Variants in CTNNA2 observed in about 807,000 individuals in gnomAD.
The protein encoded by CTNNA2 is catenin alpha-2.
A neutral mutation model predicts 101.0 loss-of-function variants in CTNNA2; 42 were observed. That is an observed-to-expected ratio of 0.42 (90% CI 0.32 to 0.54). The LOEUF (loss-of-function observed/expected upper bound fraction) is 0.54, where lower values mean the gene tolerates loss of function less well. CTNNA2 is among the 20% of genes least tolerant of loss of function. The pLI is 0.14. For synonymous variants in CTNNA2, 450 were observed against 456.4 expected (o/e 0.99, Z 0.18); for missense variants, 871 against 1,223.1 (o/e 0.71, Z 4.29).
Position 79,384,376 on chromosome 2 carries a change from T to TTCTCTC in CTNNA2, c.-135+10416_-135+10421dup, listed in dbSNP as rs11267995. Among the ~76,000 whole-genome samples the TTCTCTC allele has an allele frequency of 6.6e-4, 69 of 104,582 alleles. 2 individuals are homozygous for TTCTCTC. The highest frequency in any genetic ancestry group is 2.3e-3 in the African/African-American group (56 of 24,844). The allele number at this position is 104,582 out of a possible 152,430, so 68.6% of individuals were successfully genotyped here. Reference sequence around the variant, plus strand: ...CCCTGGTAATTTGAATGCATATTTCTTCTCTCTCTCTCTCTCTCTCTCTCT... The same window carrying TTCTCTC: ...CCCTGGTAATTTGAATGCATATTTCTTCTCTCTCTCTCTCTCTCTCTCTCTCTCTCT... On this transcript the variant is annotated intron_variant, in intron 4 of 21. Coordinates refer to the CTNNA2 transcript ENST00000466387.
intron 2 of CTNNA2, among the ~76,000 whole-genome samples, chr2:79,305,125 C>T (rs1676203715): frequency 6.6e-6 from 1 of 151,650 alleles, no homozygotes; most frequent in African/African-American, 2.4e-5. Context: ...GGTTACTAGT[C>T]ATAGGGATTG....
intron 3 of CTNNA2, among the ~76,000 whole-genome samples, chr2:79,314,268 G>A (rs764915446): frequency 1.1e-4 from 17 of 152,108 alleles, no homozygotes; most frequent in Non-Finnish European, 2.2e-4. Flanking sequence ...CAGAAATCCC[G>A]TAGAAAATGC....
chr2:79,968,219 A>G (rs982640361), intron 7 of CTNNA2, among the ~76,000 whole-genome samples: 4 of 152,200 alleles, frequency 2.6e-5, no homozygotes, highest in African/African-American at 9.7e-5. Context: ...TCAATAAAAA[A>G]AAAACAGAGC....
At chr2:79,211,040 A>C (rs1482331026) in intron 2 of CTNNA2, among the ~76,000 whole-genome samples, 1 of 152,148 alleles carries the variant, frequency 6.6e-6, no homozygotes, top group Admixed American at 6.5e-5. Flanking sequence ...CAAATATAAA[A>C]TGAAAACTGG....
At chr2:79,943,711 T>C (rs1312800411) in intron 7 of CTNNA2, among the ~76,000 whole-genome samples, 1 of 152,202 alleles carries the variant, frequency 6.6e-6, no homozygotes, top group Non-Finnish European at 1.5e-5. Context: ...CCTGGGTACA[T>C]TGTTACCTCC....
At chr2:79,654,309 G>A (rs962145626) in intron 2 of CTNNA2, among the ~76,000 whole-genome samples, 1 of 152,138 alleles carries the variant, frequency 6.6e-6, no homozygotes, top group Non-Finnish European at 1.5e-5. Flanking sequence ...TTTCACAAAT[G>A]TATTAGCTTA....
intron 13 of CTNNA2, among the ~76,000 whole-genome samples, chr2:80,575,454 G>A (rs976555217): frequency 2.6e-5 from 4 of 151,952 alleles, no homozygotes; most frequent in Non-Finnish European, 5.9e-5. Flanking sequence ...TGTAAGAGAG[G>A]GAGAGAGATG....
At chr2:80,200,040 A>G (rs1707104238) in intron 7 of CTNNA2, among the ~76,000 whole-genome samples, 1 of 152,220 alleles carries the variant, frequency 6.6e-6, no homozygotes, top group Admixed American at 6.5e-5. Flanking sequence ...ACTTGGAGAC[A>G]TTTGAAACAA....
intron 2 of CTNNA2, among the ~76,000 whole-genome samples, chr2:79,238,283 A>G (rs997593547): frequency 1.3e-5 from 2 of 152,292 alleles, no homozygotes; most frequent in Admixed American, 1.3e-4. Context: ...CACACACAAC[A>G]TTTATCAATT....
intron 9 of CTNNA2, among the ~76,000 whole-genome samples, chr2:80,437,015 T>C (rs1682101511): frequency 6.6e-6 from 1 of 152,168 alleles, no homozygotes; most frequent in Non-Finnish European, 1.5e-5. Context: ...GAGGGCTTCA[T>C]CCTCATAAAT....
At chr2:79,224,192 G>T (rs1008553883) in intron 2 of CTNNA2, among the ~76,000 whole-genome samples, 56 of 152,224 alleles carry the variant, frequency 3.7e-4, no homozygotes, top group African/African-American at 1.3e-3. Context: ...TGCATAAAGG[G>T]TTATGTCTGT....
chr2:79,213,933 C>T (rs553707487), intron 2 of CTNNA2, among the ~76,000 whole-genome samples: 5 of 152,224 alleles, frequency 3.3e-5, no homozygotes, highest in South Asian at 2.1e-4. Context: ...AGCCGCTGCA[C>T]GCAGACATGA....
intron 9 of CTNNA2, among the ~76,000 whole-genome samples, chr2:80,493,226 T>A (rs1401021026): frequency 1.3e-5 from 2 of 152,176 alleles, no homozygotes; most frequent in African/African-American, 4.8e-5. Flanking sequence ...CCGGGCCCAT[T>A]TCAGCTTGGT....
chr2:79,313,036 C>G (rs988491311), intron 3 of CTNNA2, among the ~76,000 whole-genome samples: 1 of 152,160 alleles, frequency 6.6e-6, no homozygotes, highest in Non-Finnish European at 1.5e-5. Flanking sequence ...TCACAAGAAA[C>G]TAAAGGACCA....
At chr2:80,617,531 A>T (rs2149800252) in intron 17 of CTNNA2, among the ~76,000 whole-genome samples, 1 of 151,892 alleles carries the variant, frequency 6.6e-6, no homozygotes, top group East Asian at 1.9e-4. Flanking sequence ...AAAAAGTCAA[A>T]TATAGGCAAA....
At chr2:79,229,753 G>A (rs890378170) in intron 2 of CTNNA2, among the ~76,000 whole-genome samples, 1 of 152,206 alleles carries the variant, frequency 6.6e-6, no homozygotes. Context: ...CTAGAGACTT[G>A]TTGAATGGCT....
At chr2:80,614,046 TAAAAG>T (rs1489034560) in intron 17 of CTNNA2, among the ~76,000 whole-genome samples, 1 of 151,560 alleles carries the variant, frequency 6.6e-6, no homozygotes, top group Non-Finnish European at 1.5e-5. Flanking sequence ...ATGCTCTAAT[TAAAAG>T]AAGAAAGGTA....
intron 7 of CTNNA2, among the ~76,000 whole-genome samples, chr2:80,060,930 C>A (rs1479989081): frequency 6.6e-6 from 1 of 152,084 alleles, no homozygotes; most frequent in Non-Finnish European, 1.5e-5. Flanking sequence ...CCAGTTCGTG[C>A]AAGGGTACAG....
intron 9 of CTNNA2, among the ~76,000 whole-genome samples, chr2:80,433,867 AG>A (rs1192547443): frequency 6.6e-6 from 1 of 152,180 alleles, no homozygotes; most frequent in Non-Finnish European, 1.5e-5. Flanking sequence ...GATAGTTTTC[AG>A]GGGAAAAACT....
Sources: gnomAD v4.1 joint callset for allele counts (sites outside exome capture counted in the v4.1 genomes callset) on GRCh38, gnomAD v4.1.1 for gene constraint, MANE v1.5 for transcripts, NCBI Gene and HGNC (gene_info 2026-07-23, HGNC 2026-07-21) for gene names.